Variants in GPHN observed in about 807,000 individuals in gnomAD.
GPHN encodes the protein gephyrin.
GPHN carries 17 observed loss-of-function variants against 95.5 expected under a neutral mutation model. That is an observed-to-expected ratio of 0.18 (90% CI 0.12 to 0.27). GPHN has a LOEUF of 0.27. Ranked by LOEUF, GPHN falls within the 10% of genes least tolerant of loss-of-function variation. GPHN has a pLI of 1.00. For missense variants in GPHN, 660 were observed against 978.1 expected, an observed-to-expected ratio of 0.67 and a Z score of 4.34; for synonymous variants, 320 against 322.5, an observed-to-expected ratio of 0.99 and a Z score of 0.08.
intron 21 of GPHN, among the ~76,000 whole-genome samples, chr14:67,175,319 A>G (rs193018200): frequency 4.3e-4 from 65 of 152,360 alleles, no homozygotes; most frequent in African/African-American, 1.4e-3. Context: ...TCCCAGCACC[A>G]TTTAATAAAT....
intron 11 of GPHN, among the ~76,000 whole-genome samples, chr14:67,064,321 C>T (rs1296383444): frequency 3.3e-5 from 5 of 152,004 alleles, no homozygotes; most frequent in East Asian, 1.9e-4. Flanking sequence ...GATGGGCTGC[C>T]GGATTCGGTT....
At chr14:67,319,162 TGCTCTGTGCCAG>T in the GPHN span, among the ~76,000 whole-genome samples, 1 of 152,214 alleles carries the variant, frequency 6.6e-6, no homozygotes. Context: ...TTTGAGCTCC[TGCTCTGTGCCAG>T]GCTCTGTGCT....
the GPHN span, among the ~76,000 whole-genome samples, chr14:67,408,486 T>C: frequency 5.3e-5 from 8 of 152,144 alleles, no homozygotes; most frequent in African/African-American, 1.9e-4. Context: ...TCTTTGCAGA[T>C]GTAATCAAGT....
At chr14:67,433,334 A>T in the GPHN span, among the ~76,000 whole-genome samples, 1 of 152,198 alleles carries the variant, frequency 6.6e-6, no homozygotes, top group East Asian at 1.9e-4. Context: ...TAAGAGTGGG[A>T]CAGAGAGAAG....
At chr14:66,970,471 T>G (rs1186730074) in intron 9 of GPHN, among the ~76,000 whole-genome samples, 1 of 152,204 alleles carries the variant, frequency 6.6e-6, no homozygotes, top group African/African-American at 2.4e-5. Context: ...TGTTAGTTTT[T>G]ACAAAGTATT....
chr14:66,569,346 T>G lies in GPHN; in HGVS notation c.64+60755T>G, dbSNP rs76592799. Among the ~76,000 whole-genome samples the G allele has an allele frequency of 8.5e-3, 1,301 of 152,246 alleles. 29 individuals are homozygous for G. Among genetic ancestry groups the G allele is most frequent in the African/African-American group, 0.03 (1,235 of 41,544 alleles). ...ATTTGTTAACAGATACCCTTCCTCTTTAACACACACACCATTGTGCTTTCT... is the reference window on the plus strand; with the variant it reads ...ATTTGTTAACAGATACCCTTCCTCTGTAACACACACACCATTGTGCTTTCT... On this transcript the variant is annotated intron_variant, in intron 1 of 22. Coordinates refer to ENST00000478722, the MANE Select transcript of GPHN (RefSeq NM_020806.5).
At chr14:67,302,064 TGGA>T in the GPHN span, 1 of 1,609,420 alleles carries the variant, frequency 6.2e-7, no homozygotes, top group East Asian at 2.2e-5. Flanking sequence ...TTGGCCAGTA[TGGA>T]GGAGAAACTG....
At chr14:67,613,901 C>T in the GPHN span, 3 of 152,874 alleles carry the variant, frequency 2.0e-5, no homozygotes, top group East Asian at 5.8e-4. Flanking sequence ...TCAGGTAAAA[C>T]TTTGATGAAA....
At chr14:67,143,815 G>T (rs2080649441) in intron 18 of GPHN, among the ~76,000 whole-genome samples, 1 of 151,966 alleles carries the variant, frequency 6.6e-6, no homozygotes, top group Non-Finnish European at 1.5e-5. Flanking sequence ...TGACTCCCCA[G>T]GAGCCAACCA....
intron 18 of GPHN, 46 bp from the exon 19 acceptor site, chr14:67,159,369 A>T (rs995762154): frequency 2.9e-6 from 3 of 1,032,266 alleles, no homozygotes; most frequent in Non-Finnish European, 4.6e-6. Context: ...TGAAAGTCTA[A>T]TATTAAAATG....
chr14:66,759,758 C>T (rs1303130040), intron 2 of GPHN, among the ~76,000 whole-genome samples: 1 of 152,092 alleles, frequency 6.6e-6, no homozygotes, highest in East Asian at 1.9e-4. Flanking sequence ...CTGCTTTGAT[C>T]ATATGGTGAA....
the GPHN span, among the ~76,000 whole-genome samples, chr14:67,331,597 T>C: frequency 1.3e-4 from 20 of 152,182 alleles, no homozygotes; most frequent in Non-Finnish European, 7.3e-5. Flanking sequence ...TAAAACATTT[T>C]GTTTCATCTT....
chr14:66,923,829 C>T (rs745851435), intron 7 of GPHN, among the ~76,000 whole-genome samples: 4 of 151,362 alleles, frequency 2.6e-5, no homozygotes, highest in Non-Finnish European at 4.4e-5. Flanking sequence ...TTAGAATCAT[C>T]GAGAAATCCT....
At chr14:67,645,547 C>T in the GPHN span, 1 of 1,409,068 alleles carries the variant, frequency 7.1e-7, no homozygotes, top group Non-Finnish European at 9.7e-7. Context: ...TGGCTTTGCA[C>T]TGTGGAGAGA....
At chr14:67,155,875 C>G (rs2081553517) in intron 18 of GPHN, among the ~76,000 whole-genome samples, 1 of 151,966 alleles carries the variant, frequency 6.6e-6, no homozygotes, top group Non-Finnish European at 1.5e-5. Context: ...ACCAGAAGGA[C>G]ACATTGCCTT....
intron 8 of GPHN, among the ~76,000 whole-genome samples, chr14:66,954,681 T>C (rs1170829939): frequency 6.6e-6 from 1 of 152,180 alleles, no homozygotes; most frequent in Non-Finnish European, 1.5e-5. Context: ...TTGGCCTGAG[T>C]AGACATCCTT....
the GPHN span, chr14:67,204,658 G>A: frequency 1.9e-6 from 3 of 1,613,912 alleles, no homozygotes; most frequent in South Asian, 3.3e-5. Context: ...ATATAAACAG[G>A]ACACCTTGTT....
chr14:66,709,331 G>T (rs1299111466), intron 2 of GPHN: 4 of 455,970 alleles, frequency 8.8e-6, no homozygotes, highest in Admixed American at 7.0e-5. Context: ...CATTAAGCCT[G>T]TACTGTAGTC....
chr14:66,698,941 A>C (rs1030908705), intron 2 of GPHN, among the ~76,000 whole-genome samples: 1 of 152,226 alleles, frequency 6.6e-6, no homozygotes, highest in Non-Finnish European at 1.5e-5. Context: ...GTTCAAGGGT[A>C]AACTGCATTT....
Sources: allele counts gnomAD v4.1 joint callset (sites outside exome capture counted in the v4.1 genomes callset), GRCh38; gene constraint gnomAD v4.1.1; transcripts MANE v1.5; gene names NCBI Gene and HGNC (gene_info 2026-07-23, HGNC 2026-07-21).